APBA3: variants seen among roughly 807,000 people sequenced by gnomAD.
The protein encoded by APBA3 is amyloid beta precursor protein binding family A member 3.
In APBA3, 45 loss-of-function variants were observed where a neutral mutation model predicts 55.9. The ratio of observed to expected loss-of-function variants is 0.80; its 90% CI spans 0.63 to 1.03. The LOEUF (loss-of-function observed/expected upper bound fraction) is 1.03. Ranked by LOEUF, APBA3 falls within the 50% of genes least tolerant of loss-of-function variation. The pLI is 0.00. For synonymous variants in APBA3, 370 were observed against 353.3 expected, an observed-to-expected ratio of 1.05 and a Z score of -0.53; for missense variants, 865 against 820.3, an observed-to-expected ratio of 1.05 and a Z score of -0.67.
chr19:3,756,767 A>T (rs940234652), intron 3 of APBA3: 3 of 152,262 alleles, frequency 2.0e-5, no homozygotes, highest in African/African-American at 7.2e-5. Context: ...TTAATTTTTT[A>T]ACGTGGATAA....
Position 3,754,028 on chromosome 19 carries a change from C to T in APBA3, c.840G>A (p.Ala280=), listed in dbSNP as rs765064793. The T allele has an allele frequency of 2.3e-5, 37 of 1,609,720 alleles. No individual in the cohort carries two copies. The highest frequency in any genetic ancestry group is 5.0e-5 in the Admixed American group (3 of 59,562). Residue 280 remains alanine, a synonymous_variant, in exon 5 of 11, where the codon GCG becomes GCA. Coordinates refer to ENST00000316757, the MANE Select transcript of APBA3 (RefSeq NM_004886.4). ...GGTCCCTGCCCCGTACCTGGGAGTCCGCTGTCAAGACCTTGATCCTCTTGG... is the reference window on the plus strand; with the variant it reads ...GGTCCCTGCCCCGTACCTGGGAGTCTGCTGTCAAGACCTTGATCCTCTTGG... ...VSTKRIKVLT[A]DSQEAMMDHA... is the part of the protein sequence containing the mutation.
Position 3,751,500 on chromosome 19 carries a change from G to A in APBA3, c.1449C>T (p.Val483=), listed in dbSNP as rs769681561. Residue 483 remains valine, a synonymous_variant, in exon 9 of 11, where the codon GTC becomes GTT. Coordinates refer to ENST00000316757, the MANE Select transcript of APBA3 (RefSeq NM_004886.4). ...VTLSIVHCPP[V]TTAIIHRPHA... is the part of the protein sequence containing the mutation. ...GGGGCCGGTGGATGATGGCGGTGGT[G>A]ACGGGAGGGCAGTGGACGATGCTGA... 1 of 1,583,944 alleles carries A rather than the reference G, an allele frequency of 6.3e-7. No homozygotes were observed. Among genetic ancestry groups the A allele is most frequent in the South Asian group, 1.1e-5 (1 of 87,352 alleles).
At chr19:3,752,409 C>T in intron 8 of APBA3, 99 bp downstream of exon 8, 1 of 1,175,090 alleles carries the variant, frequency 8.5e-7, no homozygotes, top group Non-Finnish European at 1.2e-6. Context: ...CTTTGTCCCT[C>T]CTGGCTGGGC....
chr19:3,755,688 T>G (rs2037071861), intron 3 of APBA3: 2 of 151,728 alleles, frequency 1.3e-5, no homozygotes, highest in African/African-American at 4.9e-5. Context: ...TCCCAGCTAC[T>G]TGAAAGCTGA....
chr19:3,758,557 C>G (rs1197488759), intron 3 of APBA3, among the ~76,000 whole-genome samples: 2 of 152,132 alleles, frequency 1.3e-5, no homozygotes, highest in Non-Finnish European at 1.5e-5. Flanking sequence ...CCATATCCAG[C>G]CTAGCATATC....
chr19:3,759,919 A>G lies in APBA3; in HGVS notation c.346T>C (p.Leu116=), dbSNP rs775107671. The G allele has an allele frequency of 2.5e-6, 4 of 1,611,492 alleles. No homozygotes were observed. Among genetic ancestry groups the G allele is most frequent in the South Asian group, 1.1e-5 (1 of 90,984 alleles). The part of the protein sequence containing the change: ...EAGRDDLLGL[L]HCEECPPSQT... The stretch of plus-strand genomic sequence containing the variant: ...GAAGGCGGGCATTCCTCGCAGTGCA[A>G]GAGGCCCAGCAGGTCATCCCGGCCA... Residue 116 remains leucine, a synonymous_variant, in exon 2 of 11, where the codon TTG becomes CTG. Coordinates refer to ENST00000316757, the MANE Select transcript of APBA3 (RefSeq NM_004886.4).
chr19:3,754,408 G>A lies in APBA3; in HGVS notation c.617-68C>T, dbSNP rs533819784. 3.1e-5 allele frequency: 46 copies of A among 1,506,638 alleles called. No homozygotes were observed. The South Asian group carries it at 4.6e-4, about 15-fold the overall frequency. The allele number at this position is 1,506,638 out of a possible 1,614,324, so 93.3% of individuals were successfully genotyped here. ...CCCACAGGCTCTGCCCCAGGGCTAC[G>A]CTCTCCGAGATGGCCGGGAGACACA... is the stretch of plus-strand genomic sequence containing the variant. On this transcript the variant is annotated intron_variant, in intron 3 of 10. Coordinates refer to ENST00000316757, the MANE Select transcript of APBA3 (RefSeq NM_004886.4).
Position 3,754,014 on chromosome 19 carries a change from C to G in APBA3, c.849+5G>C. ...GCATCCCTGGGGCGGGTCCCTGCCCCGTACCTGGGAGTCCGCTGTCAAGAC... is the reference window on the plus strand; with the variant it reads ...GCATCCCTGGGGCGGGTCCCTGCCCGGTACCTGGGAGTCCGCTGTCAAGAC... On this transcript the variant is annotated splice_donor_5th_base_variant and intron_variant, in intron 5 of 10. Coordinates refer to ENST00000316757, the MANE Select transcript of APBA3 (RefSeq NM_004886.4). 1 of 1,607,158 alleles carries G rather than the reference C, an allele frequency of 6.2e-7. No homozygotes were observed. Among genetic ancestry groups the G allele is most frequent in the Non-Finnish European group, 8.5e-7 (1 of 1,176,992 alleles).
In APBA3 at chr19:3,750,838, G is replaced by T; in HGVS notation, c.*188C>A. 1 of 966,278 alleles carries T rather than the reference G, an allele frequency of 1.0e-6. No homozygotes were observed. The highest frequency in any genetic ancestry group is 1.6e-6 in the Non-Finnish European group (1 of 634,186). 59.9% of individuals were successfully genotyped at this position (966,278 alleles called of 1,614,324 possible). A position where few individuals can be genotyped will look rare whatever the true frequency, so the allele number is the denominator to read the frequency against. ...ACCGGCTTCTAGTGGCTTCCAGGAA[G>T]GACAAGGTCCTCGGTCCCGTAGACC... On this transcript the variant is annotated 3_prime_UTR_variant, in exon 11 of 11. Coordinates refer to ENST00000316757, the MANE Select transcript of APBA3 (RefSeq NM_004886.4).
intron 3 of APBA3, among the ~76,000 whole-genome samples, chr19:3,757,073 T>C (rs1385660878): frequency 6.6e-6 from 1 of 152,126 alleles, no homozygotes; most frequent in East Asian, 1.9e-4. Flanking sequence ...CTTAGAGCTA[T>C]AGGTTCAAAC....
Position 3,752,828 on chromosome 19 carries a change from A to C in APBA3, c.1174T>G (p.Cys392Gly). 1 of 1,613,172 alleles carries C rather than the reference A, an allele frequency of 6.2e-7. No homozygotes were observed. The highest frequency in any genetic ancestry group is 8.5e-7 in the Non-Finnish European group (1 of 1,179,848). The change falls in exon 7 of 11, where the codon TGC (cysteine) becomes GGC (glycine). Residue 392 changes from cysteine to glycine, a missense_variant. Physicochemically the swap from Cys to Gly is radical, Grantham distance 159. Transcript: ENST00000316757. Reference sequence around the variant, plus strand: ...CCCAGCACCTCACTCACCTCCCGGCAGTTGTCACTGTTGGAGAAGTGGTCC... The same window carrying C: ...CCCAGCACCTCACTCACCTCCCGGCCGTTGTCACTGTTGGAGAAGTGGTCC... ...DLDHFSNSDN[C>G]REVHLEKRRG...
Position 3,751,021 on chromosome 19 carries a change from G to A in APBA3, c.*5C>T. 1.3e-6 allele frequency: 2 copies of A among 1,557,388 alleles called. No homozygotes were observed. The highest frequency in any genetic ancestry group is 1.2e-5 in the South Asian group (1 of 84,470). ...AGGCACAGTGGCAGGCAAGGGATGA[G>A]GTGGTCACAGGTACACGGGCTGCTC... On this transcript the variant is annotated 3_prime_UTR_variant, in exon 11 of 11. Coordinates refer to ENST00000316757, the MANE Select transcript of APBA3 (RefSeq NM_004886.4).
intron 3 of APBA3, 74 bp downstream of exon 3, chr19:3,759,487 G>A: frequency 7.0e-7 from 1 of 1,430,820 alleles, no homozygotes; most frequent in South Asian, 1.2e-5. Flanking sequence ...GCAAGCTGTT[G>A]CCAGGCTGGT....
At chr19:3,751,799 G>A in intron 8 of APBA3, 1 of 532,844 alleles carries the variant, frequency 1.9e-6, no homozygotes, top group Non-Finnish European at 3.3e-6. Context: ...GGGCTCTCCA[G>A]GCAGGCTGCA....
At chr19:3,758,124 G>A (rs981279534) in intron 3 of APBA3, among the ~76,000 whole-genome samples, 2 of 151,808 alleles carry the variant, frequency 1.3e-5, no homozygotes, top group African/African-American at 2.4e-5. Flanking sequence ...TAGTAGAGAC[G>A]GGGTTTCACC....
intron 3 of APBA3, among the ~76,000 whole-genome samples, chr19:3,757,655 C>T (rs1308487360): frequency 6.6e-6 from 1 of 152,084 alleles, no homozygotes; most frequent in African/African-American, 2.4e-5. Flanking sequence ...TCACTTGAAT[C>T]CGGGCGGCAG....
In APBA3 at chr19:3,753,871, C is replaced by T; in HGVS notation, c.905G>A (p.Cys302Tyr). 2 of 1,564,480 alleles carry T rather than the reference C, an allele frequency of 1.3e-6. No homozygotes were observed. Among genetic ancestry groups the T allele is most frequent in the Non-Finnish European group, 1.7e-6 (2 of 1,155,010 alleles). ...CCGCCGCGCCATCAGCACCAGCACG[C>T]AGCCGATGTCGGCTGTGTAGGAGAT... ...HTISYTADIGCVLVLMARRRL... is the reference protein window; with the variant it reads ...HTISYTADIGYVLVLMARRRL... Residue 302 changes from cysteine (C) to tyrosine (Y), a missense_variant, in exon 6 of 11, where the codon TGC (cysteine) becomes TAC (tyrosine). Cys to Tyr is a radical substitution (Grantham distance 194, BLOSUM62 -2). Coordinates refer to ENST00000316757, the MANE Select transcript of APBA3 (RefSeq NM_004886.4).
At chr19:3,758,023 CT>C (rs2037099038) in intron 3 of APBA3, among the ~76,000 whole-genome samples, 1 of 152,162 alleles carries the variant, frequency 6.6e-6, no homozygotes, top group African/African-American at 2.4e-5. Context: ...CAACCTCCGC[CT>C]CCCGGGTTCA....
intron 10 of APBA3, 41 bp downstream of exon 10, chr19:3,751,148 G>A (rs2036993327): frequency 1.3e-6 from 2 of 1,556,246 alleles, no homozygotes; most frequent in Non-Finnish European, 8.7e-7. Context: ...GCTCGTGGGG[G>A]ACGTGGGGGC....
Sources: allele counts gnomAD v4.1 joint callset (sites outside exome capture counted in the v4.1 genomes callset), GRCh38; gene constraint gnomAD v4.1.1; transcripts MANE v1.5; gene names NCBI Gene and HGNC (gene_info 2026-07-23, HGNC 2026-07-21).